RPL39: variants seen among roughly 807,000 people sequenced by gnomAD.
RPL39 encodes the protein ribosomal protein L39.
For synonymous variants in RPL39, 8 were observed against 11.4 expected, an observed-to-expected ratio of 0.70 and a Z score of 0.60; for missense variants, 6 against 37.2, an observed-to-expected ratio of 0.16 and a Z score of 2.18.
chrX:119,791,582 G>A lies in RPL39; in HGVS notation c.-6C>T. The A allele has an allele frequency of 8.5e-7, 1 of 1,175,383 alleles. No individual in the cohort carries two copies. The highest frequency in any genetic ancestry group is 1.9e-5 in the South Asian group (1 of 51,383). ...GGGGCCGATGGACTTACCATGGCGAGCAGCGGAGTCAAGAACACACCACGA... is the reference window on the plus strand; with the variant it reads ...GGGGCCGATGGACTTACCATGGCGAACAGCGGAGTCAAGAACACACCACGA... On this transcript the variant is annotated 5_prime_UTR_variant, in exon 1 of 3. Transcript: ENST00000361575.
chrX:119,789,425 C>T (rs1056723405), intron 2 of RPL39, among the ~76,000 whole-genome samples: 2 of 112,045 alleles, frequency 1.8e-5, no homozygotes, highest in East Asian at 2.8e-4. Flanking sequence ...GGCGTGGTGA[C>T]GCACGCCTGT....
chrX:119,787,144 AATTTTTGT>A (rs1165800987), intron 2 of RPL39: 23 of 245,081 alleles, frequency 9.4e-5, no homozygotes, highest in African/African-American at 1.8e-4. Context: ...CCACCCAGCT[AATTTTTGT>A]ATTTTTGTAT....
chrX:119,787,919 C>T (rs2055676918), intron 2 of RPL39, among the ~76,000 whole-genome samples: 2 of 111,435 alleles, frequency 1.8e-5, no homozygotes, highest in African/African-American at 3.3e-5. Flanking sequence ...TGGCCTCTCC[C>T]AAAGTGCTGG....
chrX:119,787,697 C>A (rs1263970529), intron 2 of RPL39, among the ~76,000 whole-genome samples: 1 of 111,243 alleles, frequency 9.0e-6, no homozygotes, highest in African/African-American at 3.3e-5. Context: ...GTTGCCCAGG[C>A]TACAATGCAG....
At position 119,791,618 on chromosome X, in the gene RPL39, A is replaced by T. The variant is rs1277920608; in HGVS notation, c.-42T>A. The T allele has an allele frequency of 8.7e-7, 1 of 1,146,624 alleles. No individual in the cohort carries two copies. Among genetic ancestry groups the T allele is most frequent in the Admixed American group, 2.6e-5 (1 of 38,857 alleles). 94.5% of individuals were successfully genotyped at this position (1,146,624 alleles called of 1,213,427 possible). A position where few individuals can be genotyped will look rare whatever the true frequency, so the allele number is the denominator to read the frequency against. ...AAGAACACACCACGATGGCGGAGAA[A>T]GGAAGAGGAGGGAAGCTGGCGGAAG... On this transcript the variant is annotated 5_prime_UTR_variant, in exon 1 of 3. Transcript: ENST00000361575.
intron 1 of RPL39, chrX:119,791,029 A>T (rs2055697536): frequency 8.1e-6 from 1 of 124,030 alleles, no homozygotes; most frequent in African/African-American, 3.2e-5. Flanking sequence ...ACAGGTTCGC[A>T]AAACACCCCT....
At chrX:119,788,914 C>T (rs1004146296) in intron 2 of RPL39, among the ~76,000 whole-genome samples, 6 of 112,118 alleles carry the variant, frequency 5.4e-5, no homozygotes, top group Admixed American at 9.5e-5. Flanking sequence ...TCAACTACTT[C>T]TGCAGTAGAG....
At chrX:119,787,909 TG>T (rs1219055262) in intron 2 of RPL39, among the ~76,000 whole-genome samples, 3 of 111,415 alleles carry the variant, frequency 2.7e-5, no homozygotes, top group African/African-American at 9.8e-5. Context: ...CCTCCTGCGT[TG>T]GCCTCTCCCA....
chrX:119,789,893 T>C lies in RPL39; in HGVS notation c.107+15A>G. ...TACATTTAGCAAAATACAAGCAGTA[T>C]GATGGAGGTCTTACCTGATTTTATT... is the stretch of plus-strand genomic sequence containing the variant. On this transcript the variant is annotated intron_variant, in intron 2 of 2. Transcript: ENST00000361575. The C allele has an allele frequency of 4.0e-6, 4 of 992,081 alleles. No homozygotes were observed. The highest frequency in any genetic ancestry group is 5.7e-6 in the Non-Finnish European group (4 of 695,889). 81.8% of individuals were successfully genotyped at this position (992,081 alleles called of 1,213,427 possible). A position where few individuals can be genotyped will look rare whatever the true frequency, so the allele number is the denominator to read the frequency against.
intron 2 of RPL39, among the ~76,000 whole-genome samples, chrX:119,788,747 C>T (rs1202585828): frequency 9.0e-6 from 1 of 110,715 alleles, no homozygotes; most frequent in African/African-American, 3.3e-5. Flanking sequence ...ATTCTTGATG[C>T]TCCCTTCAAA....
chrX:119,787,621 G>T, intron 2 of RPL39: 2 of 255,539 alleles, frequency 7.8e-6, no homozygotes, highest in Non-Finnish European at 1.5e-5. Flanking sequence ...TTTAATAGCA[G>T]GTTATTTATT....
chrX:119,787,148 T>C, intron 2 of RPL39: 2 of 246,077 alleles, frequency 8.1e-6, no homozygotes, highest in Non-Finnish European at 7.6e-6. Context: ...CCAGCTAATT[T>C]TTGTATTTTT....
At chrX:119,790,554 C>G (rs2055694355) in intron 1 of RPL39, 1 of 112,353 alleles carries the variant, frequency 8.9e-6, no homozygotes, top group African/African-American at 3.2e-5. Flanking sequence ...AAGATCTAAC[C>G]TACTCACCAT....
chrX:119,789,556 CAAAACAAAAACAAAAACA>C (rs781553054), intron 2 of RPL39, among the ~76,000 whole-genome samples: 1 of 84,521 alleles, frequency 1.2e-5, no homozygotes, highest in Non-Finnish European at 2.5e-5. Flanking sequence ...GACTCCGTCT[CAAAACAAAAACAAAAACA>C]AAAACAAAAA....
intron 1 of RPL39, chrX:119,790,839 G>T (rs1462550784): frequency 9.0e-6 from 1 of 110,924 alleles, no homozygotes; most frequent in Admixed American, 9.6e-5. Context: ...AGAAGGCAAA[G>T]ATTACACCCC....
Position 119,786,648 on chromosome X carries a change from C to T in RPL39, c.*36G>A, listed in dbSNP as rs763650486. The stretch of plus-strand genomic sequence containing the variant: ...TGGTAACATGATCGTGACCTTCAGA[C>T]AGCATAAATATGTGTGCCATCTCAT... On this transcript the variant is annotated 3_prime_UTR_variant, in exon 3 of 3. Transcript: ENST00000361575. 1.9e-6 allele frequency: 2 copies of T among 1,057,028 alleles called. No homozygotes were observed. The highest frequency in any genetic ancestry group is 3.7e-5 in the African/African-American group (2 of 54,344). 87.1% of individuals were successfully genotyped at this position (1,057,028 alleles called of 1,213,427 possible). A position where few individuals can be genotyped will look rare whatever the true frequency, so the allele number is the denominator to read the frequency against.
At chrX:119,791,318 T>G (rs1398041492) in intron 1 of RPL39, 1 of 291,130 alleles carries the variant, frequency 3.4e-6, no homozygotes, top group Non-Finnish European at 6.3e-6. Context: ...CCTGCCCGAC[T>G]CGGCAGCGGC....
intron 2 of RPL39, among the ~76,000 whole-genome samples, chrX:119,789,226 C>T (rs34443119): frequency 0.022 from 2,437 of 111,013 alleles, 65 homozygotes; most frequent in African/African-American, 0.075. Context: ...ATAGTGTCAA[C>T]GCAGCATGTA....
chrX:119,789,095 T>A (rs905455929), intron 2 of RPL39, among the ~76,000 whole-genome samples: 4 of 110,565 alleles, frequency 3.6e-5, no homozygotes, highest in African/African-American at 1.3e-4. Flanking sequence ...AGAGACCCCA[T>A]CTCTACAAAA....
Sources: gnomAD v4.1 joint callset for allele counts (sites outside exome capture counted in the v4.1 genomes callset) on GRCh38, gnomAD v4.1.1 for gene constraint, MANE v1.5 for transcripts, NCBI Gene and HGNC (gene_info 2026-07-23, HGNC 2026-07-21) for gene names.